Variants in COL23A1 observed in about 807,000 individuals in gnomAD.
COL23A1 encodes the protein collagen type XXIII alpha 1 chain, also known as collagen alpha-1(XXIII) chain.
In COL23A1, 97 loss-of-function variants were observed where a neutral mutation model predicts 99.3. The ratio of observed to expected loss-of-function variants is 0.98; its 90% CI spans 0.83 to 1.16. The LOEUF (loss-of-function observed/expected upper bound fraction) is 1.16. COL23A1 is among the 50% of genes most tolerant of loss of function. The pLI is 0.00. For missense variants in COL23A1, 762 were observed against 757.4 expected (o/e 1.01, Z -0.07); for synonymous variants, 320 against 308.2 (o/e 1.04, Z -0.40).
chr5:178,485,534 A>G (rs1757577062), intron 2 of COL23A1, among the ~76,000 whole-genome samples: 1 of 151,250 alleles, frequency 6.6e-6, no homozygotes, highest in Admixed American at 6.6e-5. Context: ...GCACTTTGGG[A>G]GGCCAAGGTG....
In COL23A1 at chr5:178,344,381, A is replaced by G. The variant is rs187589209; in HGVS notation, c.362-37462T>C. Among the ~76,000 whole-genome samples, 251 of 152,288 alleles carry G rather than the reference A, an allele frequency of 1.6e-3. 5 individuals carry two copies. The South Asian group carries it at 0.041, about 25-fold the overall frequency. On this transcript the variant is annotated intron_variant, in intron 2 of 28. Coordinates refer to ENST00000390654, the MANE Select transcript of COL23A1 (RefSeq NM_173465.4). ...GCCGGGCGTGGTGGCTCACGCCTGTAATCCCAGCACCTTGGGAGACCAAGG... is the reference window on the plus strand; with the variant it reads ...GCCGGGCGTGGTGGCTCACGCCTGTGATCCCAGCACCTTGGGAGACCAAGG...
chr5:178,561,854 C>A, intron 1 of COL23A1: 1 of 264,486 alleles, frequency 3.8e-6, no homozygotes, highest in Non-Finnish European at 7.6e-6. Context: ...CTCAGCCAGG[C>A]CCTGTCTGCC....
At chr5:178,268,633 G>C in intron 7 of COL23A1, 97 bp downstream of exon 7, 1 of 1,255,544 alleles carries the variant, frequency 8.0e-7, no homozygotes, top group Non-Finnish European at 1.1e-6. Context: ...GAGGGGCTGT[G>C]ATGTGCTCAA....
At chr5:178,438,584 C>T (rs1237555514) in intron 2 of COL23A1, 1 of 152,114 alleles carries the variant, frequency 6.6e-6, no homozygotes, top group East Asian at 1.9e-4. Flanking sequence ...TGAAATTCCT[C>T]TGTATCTGCA....
At chr5:178,345,286 GC>G in intron 2 of COL23A1, 1 of 651,570 alleles carries the variant, frequency 1.5e-6, no homozygotes, top group Non-Finnish European at 2.7e-6. Flanking sequence ...CCAGTAATCT[GC>G]CCCCTAGTTT....
intron 3 of COL23A1, among the ~76,000 whole-genome samples, chr5:178,293,206 G>T (rs975653604): frequency 6.6e-6 from 1 of 152,036 alleles, no homozygotes; most frequent in East Asian, 1.9e-4. Context: ...TAGGATGAGA[G>T]TGGTCCAGCA....
intron 27 of COL23A1, among the ~76,000 whole-genome samples, chr5:178,241,673 T>C (rs1215480477): frequency 2.6e-5 from 4 of 152,222 alleles, no homozygotes; most frequent in Non-Finnish European, 5.9e-5. Context: ...ATGGTGCTGA[T>C]GACTCCAGGT....
At position 178,391,952 on chromosome 5, in the gene COL23A1, G is replaced by A. The variant is rs1191443932; in HGVS notation, c.362-85033C>T. On this transcript the variant is annotated intron_variant, in intron 2 of 28. Transcript: ENST00000390654. Reference sequence around the variant, plus strand: ...CATGCAGGAATCTTGAAAACATTACGCTAAGTGAAAGAAGCCAGACACAGA... The same window carrying A: ...CATGCAGGAATCTTGAAAACATTACACTAAGTGAAAGAAGCCAGACACAGA... Among the ~76,000 whole-genome samples the A allele has an allele frequency of 2.0e-5, 3 of 152,230 alleles. No homozygotes were observed. In the East Asian group the frequency reaches 5.8e-4, roughly 29 times the overall value.
intron 2 of COL23A1, among the ~76,000 whole-genome samples, chr5:178,514,553 C>T (rs913147628): frequency 6.6e-6 from 1 of 152,190 alleles, no homozygotes; most frequent in African/African-American, 2.4e-5. Context: ...CAACCTGTGC[C>T]CTAAAATTCA....
At chr5:178,318,695 A>G (rs1759113358) in intron 2 of COL23A1, among the ~76,000 whole-genome samples, 1 of 152,180 alleles carries the variant, frequency 6.6e-6, no homozygotes, top group Non-Finnish European at 1.5e-5. Context: ...TGAGGTCAGG[A>G]GTTCGAGACC....
At chr5:178,303,232 TCAAG>T (rs1197640419) in intron 3 of COL23A1, among the ~76,000 whole-genome samples, 1 of 152,224 alleles carries the variant, frequency 6.6e-6, no homozygotes, top group African/African-American at 2.4e-5. Context: ...ACTCCTGGCC[TCAAG>T]CAATCTACCT....
chr5:178,256,247 T>C (rs535469684), intron 15 of COL23A1, 106 bp downstream of exon 15: 96 of 716,196 alleles, frequency 1.3e-4, no homozygotes, highest in Admixed American at 5.0e-4. Flanking sequence ...TCCCAGTTCC[T>C]GTAGCTCCAC....
intron 2 of COL23A1, among the ~76,000 whole-genome samples, chr5:178,516,054 C>T (rs1378365343): frequency 6.6e-6 from 1 of 152,202 alleles, no homozygotes; most frequent in Non-Finnish European, 1.5e-5. Flanking sequence ...GGAGGCCTCA[C>T]CTCCCTGGCA....
intron 2 of COL23A1, among the ~76,000 whole-genome samples, chr5:178,498,036 A>G (rs1758284438): frequency 6.6e-6 from 1 of 151,412 alleles, no homozygotes; most frequent in African/African-American, 2.4e-5. Context: ...ATGTACAACA[A>G]CAGTACCCAA....
At chr5:178,352,970 G>A (rs561753989) in intron 2 of COL23A1, among the ~76,000 whole-genome samples, 5 of 152,294 alleles carry the variant, frequency 3.3e-5, no homozygotes, top group South Asian at 2.1e-4. Context: ...ATATGAGAAC[G>A]TCTTCAGAAG....
Position 178,273,114 on chromosome 5 carries a change from G to C in COL23A1, c.442-2751C>G, listed in dbSNP as rs113335077. On this transcript the variant is annotated intron_variant, in intron 5 of 28. Coordinates refer to ENST00000390654, the MANE Select transcript of COL23A1 (RefSeq NM_173465.4). ...CCTGCTCTAGGCCTCGGAAACCTCTGTTAAATCCTCCCTGCAACCAAGGCC... is the reference window on the plus strand; with the variant it reads ...CCTGCTCTAGGCCTCGGAAACCTCTCTTAAATCCTCCCTGCAACCAAGGCC... Among the ~76,000 whole-genome samples the C allele has an allele frequency of 4.0e-3, 606 of 152,310 alleles. 3 individuals are homozygous for C. The highest frequency in any genetic ancestry group is 0.014 in the African/African-American group (583 of 41,564).
At chr5:178,261,033 G>C (rs1301462948) in intron 11 of COL23A1, among the ~76,000 whole-genome samples, 1 of 149,438 alleles carries the variant, frequency 6.7e-6, no homozygotes, top group African/African-American at 2.5e-5. Context: ...GTAGCAAGTG[G>C]GGGATGTCCA....
At chr5:178,393,149 C>T (rs189375410) in intron 2 of COL23A1, among the ~76,000 whole-genome samples, 5 of 152,298 alleles carry the variant, frequency 3.3e-5, no homozygotes, top group Non-Finnish European at 7.3e-5. Context: ...ACATCTGGCT[C>T]GAGAGATGGC....
chr5:178,320,532 G>A lies in COL23A1; in HGVS notation c.362-13613C>T, dbSNP rs372380993. On this transcript the variant is annotated intron_variant, in intron 2 of 28. Coordinates refer to ENST00000390654, the MANE Select transcript of COL23A1 (RefSeq NM_173465.4). ...CAGGATGCTGAGGTCTGAGGAAGCCGCGCCAGCTGTGCAGTTTGCAGACCA... is the reference window on the plus strand; with the variant it reads ...CAGGATGCTGAGGTCTGAGGAAGCCACGCCAGCTGTGCAGTTTGCAGACCA... Among the ~76,000 whole-genome samples the A allele has an allele frequency of 2.6e-5, 4 of 152,352 alleles. No individual in the cohort carries two copies. In the South Asian group the frequency reaches 6.2e-4, roughly 24 times the overall value.
Sources: allele counts gnomAD v4.1 joint callset (sites outside exome capture counted in the v4.1 genomes callset), GRCh38; gene constraint gnomAD v4.1.1; transcripts MANE v1.5; gene names NCBI Gene and HGNC (gene_info 2026-07-23, HGNC 2026-07-21).